The following PRKAR1A variants were observed in gnomAD, a reference collection of about 807,000 sequenced individuals.
The protein encoded by PRKAR1A is cAMP-dependent protein kinase type I-alpha regulatory subunit.
In PRKAR1A, 3 loss-of-function variants were observed where a neutral mutation model predicts 52.0. That is an observed-to-expected ratio of 0.06 (90% CI 0.03 to 0.15). The LOEUF (loss-of-function observed/expected upper bound fraction) is 0.15. Ranked by LOEUF, PRKAR1A falls within the 10% of genes least tolerant of loss-of-function variation. PRKAR1A has a pLI of 1.00. For synonymous variants in PRKAR1A, 188 were observed against 168.4 expected, an observed-to-expected ratio of 1.12 and a Z score of -0.90; for missense variants, 240 against 477.4, an observed-to-expected ratio of 0.50 and a Z score of 4.63.
chr17:68,548,443 T>G (rs2086668925), intron 11 of PRKAR1A, among the ~76,000 whole-genome samples: 1 of 151,898 alleles, frequency 6.6e-6, no homozygotes, highest in African/African-American at 2.4e-5. Context: ...GGCAAGAGAA[T>G]CGCTTGAACC....
At chr17:68,499,720 A>G in the PRKAR1A span, among the ~76,000 whole-genome samples, 1 of 152,248 alleles carries the variant, frequency 6.6e-6, no homozygotes, top group African/African-American at 2.4e-5. Context: ...TTGGTCCTCT[A>G]GAGTTAAGAT....
intron 11 of PRKAR1A, chr17:68,539,753 G>T: frequency 1.2e-6 from 1 of 812,656 alleles, no homozygotes. Context: ...GGAAGAAGCC[G>T]GGCTCGAAGG....
At chr17:68,470,737 G>T in the PRKAR1A span, among the ~76,000 whole-genome samples, 1 of 152,202 alleles carries the variant, frequency 6.6e-6, no homozygotes, top group Non-Finnish European at 1.5e-5. Flanking sequence ...TGTGAAGCAT[G>T]CACTGTGTGC....
chr17:68,528,320 A>G (rs1303266160), intron 8 of PRKAR1A, among the ~76,000 whole-genome samples: 1 of 152,220 alleles, frequency 6.6e-6, no homozygotes, highest in Non-Finnish European at 1.5e-5. Context: ...TTATAAGGTA[A>G]CAGGCTTCTG....
At chr17:68,510,649 T>G (rs76493312), upstream of PRKAR1A, among the ~76,000 whole-genome samples, 3 of 152,358 alleles carry the variant, frequency 2.0e-5, no homozygotes, top group African/African-American at 7.2e-5. Context: ...TCAACCCTTC[T>G]TTGTACTGTC....
At chr17:68,433,167 T>C in the PRKAR1A span, among the ~76,000 whole-genome samples, 12,679 of 152,326 alleles carry the variant, frequency 0.083, 687 homozygotes, top group South Asian at 0.21. Flanking sequence ...TTAATACTAC[T>C]GTTATGTTCA....
chr17:68,443,088 T>TTTTA, the PRKAR1A span, among the ~76,000 whole-genome samples: 2 of 152,246 alleles, frequency 1.3e-5, no homozygotes, highest in Admixed American at 1.3e-4. Context: ...GGCTTTGTTC[T>TTTTA]TTTATTTATT....
chr17:68,450,813 A>G, the PRKAR1A span: 1 of 1,614,108 alleles, frequency 6.2e-7, no homozygotes, highest in African/African-American at 1.3e-5. Flanking sequence ...ATACACGTTC[A>G]TCTGCCGTGG....
downstream of PRKAR1A, chr17:68,537,780 T>A: frequency 2.5e-6 from 4 of 1,582,356 alleles, no homozygotes; most frequent in Non-Finnish European, 3.4e-6. This position sits in a 1 kb window ranked among gnomAD's most constrained non-coding sequence, Gnocchi z 4.2. Context: ...TAAGCAAATG[T>A]AAAGAAAATA....
chr17:68,465,880 C>T, the PRKAR1A span, among the ~76,000 whole-genome samples: 2 of 151,858 alleles, frequency 1.3e-5, no homozygotes, highest in Non-Finnish European at 1.5e-5. Context: ...CGGAGAGGGG[C>T]GAGTGATGGG....
At chr17:68,545,986 G>T (rs142604916) in intron 11 of PRKAR1A, among the ~76,000 whole-genome samples, 1 of 151,962 alleles carries the variant, frequency 6.6e-6, no homozygotes, top group Non-Finnish European at 1.5e-5. Flanking sequence ...TGGCTAACAC[G>T]GTGAAACCCT....
At chr17:68,429,031 A>G in the PRKAR1A span, 1 of 926,048 alleles carries the variant, frequency 1.1e-6, no homozygotes, top group Non-Finnish European at 1.7e-6. Context: ...AGCTGTCACC[A>G]GATTCTGCCT....
chr17:68,510,024 T>C (rs181676264), upstream of PRKAR1A, among the ~76,000 whole-genome samples: 17 of 152,352 alleles, frequency 1.1e-4, 1 homozygote, highest in Admixed American at 9.1e-4. Flanking sequence ...GTAACACTAA[T>C]GGTGGGACAT....
downstream of PRKAR1A, chr17:68,537,594 T>G: frequency 6.2e-7 from 1 of 1,613,676 alleles, no homozygotes; most frequent in Non-Finnish European, 8.5e-7. The surrounding 1 kb of genome is among the most constrained non-coding windows in gnomAD (Gnocchi z 4.2). Flanking sequence ...TTAGGATGGT[T>G]TGGAGCCTTC....
At chr17:68,472,813 G>T in the PRKAR1A span, among the ~76,000 whole-genome samples, 8 of 151,864 alleles carry the variant, frequency 5.3e-5, no homozygotes, top group Non-Finnish European at 1.2e-4. Flanking sequence ...GGGCGTGGTG[G>T]CATGCCACTG....
the PRKAR1A span, among the ~76,000 whole-genome samples, chr17:68,502,146 A>G: frequency 6.6e-6 from 1 of 152,160 alleles, no homozygotes; most frequent in South Asian, 2.1e-4. Context: ...GTCCCTACTC[A>G]TGTCCTTGCT....
the PRKAR1A span, among the ~76,000 whole-genome samples, chr17:68,500,491 T>C: frequency 2.6e-5 from 4 of 151,518 alleles, no homozygotes; most frequent in African/African-American, 9.7e-5. Flanking sequence ...TCTTCCTTTG[T>C]AAATCACCCA....
the PRKAR1A span, chr17:68,427,174 C>T: frequency 9.0e-5 from 146 of 1,614,088 alleles, 1 homozygote; most frequent in East Asian, 2.1e-3. Context: ...GGTCTGGCTA[C>T]GGTCGCTGCA....
At chr17:68,450,703 A>T in the PRKAR1A span, 1 of 1,586,104 alleles carries the variant, frequency 6.3e-7, no homozygotes, top group Non-Finnish European at 8.6e-7. Context: ...GAAGCTTTGA[A>T]ACCCTGAGGG....
Sources: gnomAD v4.1 joint callset for allele counts (sites outside exome capture counted in the v4.1 genomes callset) on GRCh38, gnomAD v4.1.1 for gene constraint, Gnocchi (gnomAD v3.1) non-coding constraint, MANE v1.5 for transcripts, NCBI Gene and HGNC (gene_info 2026-07-23, HGNC 2026-07-21) for gene names.